Variants in MYCBP2 observed in about 807,000 individuals in gnomAD.
MYCBP2 encodes the protein E3 ubiquitin-protein ligase MYCBP2.
Under a neutral mutation model 525.3 loss-of-function variants are expected in MYCBP2, and 120 were observed. The ratio of observed to expected loss-of-function variants is 0.23; its 90% CI spans 0.20 to 0.27. The LOEUF (loss-of-function observed/expected upper bound fraction) is 0.27. Among genes scored for constraint, MYCBP2 ranks in the 10% least tolerant of loss-of-function variants. The pLI is 1.00. For synonymous variants in MYCBP2, 1,894 were observed against 1,955.8 expected (o/e 0.97, Z 0.83); for missense variants, 4,149 against 5,657.1 (o/e 0.73, Z 8.55).
intron 14 of MYCBP2, among the ~76,000 whole-genome samples, chr13:77,254,274 G>A (rs1013404792): frequency 2.0e-5 from 3 of 151,580 alleles, no homozygotes; most frequent in South Asian, 2.1e-4. Flanking sequence ...ATGATTGAAC[G>A]TATGCTTATC....
At chr13:77,085,796 C>T (rs564623252) in intron 62 of MYCBP2, among the ~76,000 whole-genome samples, 1 of 152,296 alleles carries the variant, frequency 6.6e-6, no homozygotes, top group East Asian at 1.9e-4. Flanking sequence ...GTAACCAAAA[C>T]AGGAAAGAGT....
intron 55 of MYCBP2, among the ~76,000 whole-genome samples, chr13:77,110,581 C>G (rs2048652305): frequency 6.6e-6 from 1 of 152,136 alleles, no homozygotes; most frequent in Non-Finnish European, 1.5e-5. Flanking sequence ...GACCTACTCC[C>G]TGTTCTTGCA....
At position 77,050,667 on chromosome 13, in the gene MYCBP2, TCA is replaced by T. The variant is rs1253966714; in HGVS notation, c.13921+328_13921+329del. Among the ~76,000 whole-genome samples, 14 of 151,278 alleles carry T rather than the reference TCA, an allele frequency of 9.3e-5. No individual in the cohort carries two copies. The East Asian group carries it at 2.2e-3, about 23-fold the overall frequency. On this transcript the variant is annotated intron_variant, in intron 82 of 82. Transcript: ENST00000544440. Reference sequence around the variant, plus strand: ...AGGCTTCGTTAAAAAAAAAAAAAAATCACAGAATCCTTTTAAATGGTTCTGTA... The same window carrying T: ...AGGCTTCGTTAAAAAAAAAAAAAAATCAGAATCCTTTTAAATGGTTCTGTA...
chr13:77,182,753 T>C (rs893277666), intron 32 of MYCBP2, among the ~76,000 whole-genome samples: 2 of 152,186 alleles, frequency 1.3e-5, no homozygotes, highest in African/African-American at 2.4e-5. Context: ...ACAATGATTT[T>C]TTTCACGAAG....
chr13:77,145,873 A>G (rs1280149298), intron 48 of MYCBP2, among the ~76,000 whole-genome samples: 1 of 151,838 alleles, frequency 6.6e-6, no homozygotes, highest in East Asian at 1.9e-4. Flanking sequence ...AAACAAACTA[A>G]TCAACCCTAA....
chr13:77,199,392 C>T (rs969366160), intron 26 of MYCBP2, among the ~76,000 whole-genome samples: 6 of 152,224 alleles, frequency 3.9e-5, no homozygotes, highest in African/African-American at 1.2e-4. Context: ...GAGGGTCCTA[C>T]GCTCATGGAG....
intron 1 of MYCBP2, among the ~76,000 whole-genome samples, chr13:77,309,754 C>A (rs969555202): frequency 6.6e-6 from 1 of 152,156 alleles, no homozygotes; most frequent in African/African-American, 2.4e-5. Flanking sequence ...TTCATTCATC[C>A]TCTATAACAC....
chr13:77,117,515 T>C (rs1379370553), intron 55 of MYCBP2, among the ~76,000 whole-genome samples: 2 of 152,162 alleles, frequency 1.3e-5, no homozygotes, highest in African/African-American at 4.8e-5. Context: ...TATTAAAGTA[T>C]TTTTGTAAAC....
At chr13:77,324,540 C>T (rs1051035325) in intron 1 of MYCBP2, among the ~76,000 whole-genome samples, 1 of 152,148 alleles carries the variant, frequency 6.6e-6, no homozygotes, top group Non-Finnish European at 1.5e-5. Context: ...ATAATGTGAA[C>T]TTAAATAAAC....
At chr13:77,303,789 A>G (rs558058669) in intron 1 of MYCBP2, among the ~76,000 whole-genome samples, 1 of 152,162 alleles carries the variant, frequency 6.6e-6, no homozygotes, top group Non-Finnish European at 1.5e-5. Flanking sequence ...AAACACTGAA[A>G]GTAAATTATC....
At chr13:77,304,729 A>T (rs2079193069) in intron 1 of MYCBP2, among the ~76,000 whole-genome samples, 1 of 152,156 alleles carries the variant, frequency 6.6e-6, no homozygotes, top group African/African-American at 2.4e-5. Flanking sequence ...TACCCCATGT[A>T]TAAGTACAAT....
intron 59 of MYCBP2, among the ~76,000 whole-genome samples, chr13:77,091,155 T>C (rs1211975737): frequency 6.6e-6 from 1 of 152,128 alleles, no homozygotes; most frequent in African/African-American, 2.4e-5. Flanking sequence ...GACGGCTAAC[T>C]GCCTAGGTGT....
Position 77,046,926 on chromosome 13 carries a change from G to A in MYCBP2, c.13922-1433C>T, listed in dbSNP as rs181371889. Among the ~76,000 whole-genome samples, 8 of 152,284 alleles carry A rather than the reference G, an allele frequency of 5.3e-5. No homozygotes were observed. The East Asian group carries it at 7.7e-4, about 15-fold the overall frequency. On this transcript the variant is annotated intron_variant, in intron 82 of 82. Transcript: ENST00000544440. ...CCCACCAGTGGGTGGGGGAGAGTGC[G>A]CAGGATGGGGACACTCAATGGCAGA... is the stretch of plus-strand genomic sequence containing the variant.
intron 44 of MYCBP2, 150 bp from the exon 45 acceptor site, chr13:77,158,259 T>C (rs1226225639): frequency 4.2e-6 from 2 of 474,150 alleles, no homozygotes; most frequent in South Asian, 5.5e-5. Context: ...ACCCACAGAA[T>C]AGGAAATTCC....
chr13:77,090,462 T>A, intron 59 of MYCBP2, 199 bp from the exon 60 acceptor site: 1 of 382,542 alleles, frequency 2.6e-6, no homozygotes, highest in Non-Finnish European at 4.6e-6. Context: ...CATTGTACCT[T>A]AAAACTTATG....
Position 77,098,303 on chromosome 13 carries a change from A to C in MYCBP2, c.8851T>G (p.Cys2951Gly). The change falls in exon 56 of 83, where the codon TGC (cysteine) becomes GGC (glycine). Residue 2951 changes from cysteine to glycine, a missense_variant. Transcript: ENST00000544440. ...CTCTTAAATTCACTGCTGTCATCGC[A>C]GGTGCTGTCTGTTAGACTATTTGTT... Reference protein sequence around the residue: ...LKTNSLTDSTCDDSSEFKSVD... With the variant: ...LKTNSLTDSTGDDSSEFKSVD... 2 of 1,611,718 alleles carry C rather than the reference A, an allele frequency of 1.2e-6. No individual in the cohort carries two copies. Among genetic ancestry groups the C allele is most frequent in the Non-Finnish European group, 1.7e-6 (2 of 1,179,784 alleles).
chr13:77,098,828 C>A lies in MYCBP2; in HGVS notation c.8326G>T (p.Ala2776Ser), dbSNP rs2046629006. The A allele has an allele frequency of 6.2e-7, 1 of 1,613,540 alleles. No homozygotes were observed. The highest frequency in any genetic ancestry group is 1.3e-5 in the African/African-American group (1 of 74,856). Residue 2776 changes from alanine (A) to serine (S), a missense_variant, in exon 56 of 83, where the codon GCT becomes TCT. Coordinates refer to ENST00000544440, the MANE Select transcript of MYCBP2 (RefSeq NM_015057.5). ...ASESLILKSD[A>S]AKLRSDSHSR... Reference sequence around the variant, plus strand: ...TGGGAATCTGACCTCAACTTTGCAGCATCAGATTTTAAGATGAGGGATTCA... The same window carrying A: ...TGGGAATCTGACCTCAACTTTGCAGAATCAGATTTTAAGATGAGGGATTCA...
At chr13:77,280,949 AATC>A (rs1044858562) in intron 3 of MYCBP2, among the ~76,000 whole-genome samples, 18 of 152,184 alleles carry the variant, frequency 1.2e-4, no homozygotes, top group Non-Finnish European at 2.5e-4. Context: ...ACACAACAAA[AATC>A]AACCTCAAGT....
chr13:77,121,052 G>A (rs985261525), intron 55 of MYCBP2, among the ~76,000 whole-genome samples: 2 of 151,770 alleles, frequency 1.3e-5, no homozygotes, highest in African/African-American at 4.8e-5. Flanking sequence ...CCTAATAAGT[G>A]GATGATAAAA....
Sources: allele counts gnomAD v4.1 joint callset (sites outside exome capture counted in the v4.1 genomes callset), GRCh38; gene constraint gnomAD v4.1.1; transcripts MANE v1.5; gene names NCBI Gene and HGNC (gene_info 2026-07-23, HGNC 2026-07-21).